Variants in CCDC197 observed in about 807,000 individuals in gnomAD.
The protein encoded by CCDC197 is uncharacterized protein CCDC197.
Under a neutral mutation model 13.4 loss-of-function variants are expected in CCDC197, and 24 were observed. The ratio of observed to expected loss-of-function variants is 1.80; its 90% CI spans 1.30 to 2.53. The LOEUF (loss-of-function observed/expected upper bound fraction) is 2.53. Ranked by LOEUF, CCDC197 falls within the 30% of genes most tolerant of loss-of-function variation. CCDC197 has a pLI of 0.00. For synonymous variants in CCDC197, 99 were observed against 55.5 expected (o/e 1.78, Z -3.48); for missense variants, 255 against 148.8 (o/e 1.71, Z -3.71).
chr14:94,010,132 G>A (rs1234643371), downstream of CCDC197, among the ~76,000 whole-genome samples: 3 of 152,166 alleles, frequency 2.0e-5, no homozygotes, highest in African/African-American at 2.4e-5. Flanking sequence ...AAAGATACAC[G>A]GAAGAAGGAA....
intron 1 of CCDC197, among the ~76,000 whole-genome samples, chr14:93,988,078 A>G (rs1595345592): frequency 2.5e-5 from 1 of 40,576 alleles, no homozygotes; most frequent in African/African-American, 1.0e-4. Flanking sequence ...AGGGGATGAA[A>G]GGAGGGGATG....
chr14:94,006,479 C>A (rs1890683340), intron 6 of CCDC197, among the ~76,000 whole-genome samples: 1 of 152,034 alleles, frequency 6.6e-6, no homozygotes, highest in South Asian at 2.1e-4. Context: ...CCTCAGCCTC[C>A]CAAGTAGCTG....
At chr14:94,006,004 C>T (rs1286550796) in intron 6 of CCDC197, among the ~76,000 whole-genome samples, 9 of 152,202 alleles carry the variant, frequency 5.9e-5, no homozygotes, top group Non-Finnish European at 1.3e-4. Context: ...TTTCACTTCT[C>T]TTTGGTACGT....
Position 94,008,834 on chromosome 14 carries a change from C to G in CCDC197, c.*22C>G. ...CTGACCAGCCTGCGCCTTGCAGGCC[C>G]CATGGCATCACGACCTCTCCTTACC... On this transcript the variant is annotated 3_prime_UTR_variant, in exon 7 of 7. Coordinates refer to ENST00000636493, the MANE Select transcript of CCDC197 (RefSeq NM_001351596.2). 1 of 688,468 alleles carries G rather than the reference C, an allele frequency of 1.5e-6. No homozygotes were observed. The highest frequency in any genetic ancestry group is 2.7e-6 in the Non-Finnish European group (1 of 374,254). 42.6% of individuals were successfully genotyped at this position (688,468 alleles called of 1,614,324 possible).
At chr14:94,008,986 T>G, downstream of CCDC197, 1 of 554,206 alleles carries the variant, frequency 1.8e-6, no homozygotes, top group Non-Finnish European at 3.2e-6. Context: ...CCTGGGGGAT[T>G]GGCAGGGATC....
downstream of CCDC197, among the ~76,000 whole-genome samples, chr14:94,011,472 C>T (rs1890806460): frequency 6.6e-6 from 1 of 152,212 alleles, no homozygotes; most frequent in Non-Finnish European, 1.5e-5. Flanking sequence ...AGGGCTGGGG[C>T]CGTGAATTGG....
chr14:93,988,822 G>A (rs1278218206), intron 1 of CCDC197, among the ~76,000 whole-genome samples: 3 of 137,376 alleles, frequency 2.2e-5, no homozygotes, highest in Non-Finnish European at 4.8e-5. Context: ...TGGGAGGAAG[G>A]GATGGGAGAG....
At chr14:94,009,035 G>A (rs1890765107), downstream of CCDC197, among the ~76,000 whole-genome samples, 1 of 152,212 alleles carries the variant, frequency 6.6e-6, no homozygotes, top group African/African-American at 2.4e-5. Context: ...AGAGAGGCAG[G>A]TTCCCGAGTT....
At chr14:93,991,259 C>G (rs1187725837) in intron 1 of CCDC197, among the ~76,000 whole-genome samples, 1 of 152,162 alleles carries the variant, frequency 6.6e-6, no homozygotes, top group Non-Finnish European at 1.5e-5. Context: ...AGGGGATGAG[C>G]TGCCCATCAC....
At chr14:93,996,474 C>G (rs954292006), upstream of CCDC197, among the ~76,000 whole-genome samples, 1 of 150,532 alleles carries the variant, frequency 6.6e-6, no homozygotes, top group African/African-American at 2.5e-5. Flanking sequence ...CCAGCCGTGC[C>G]CCAACTCCAG....
intron 6 of CCDC197, among the ~76,000 whole-genome samples, chr14:94,008,109 A>G (rs1486221668): frequency 1.4e-5 from 2 of 147,424 alleles, no homozygotes; most frequent in African/African-American, 5.2e-5. Context: ...AGAAAAGGGA[A>G]GAAATTATGT....
chr14:94,010,224 G>A (rs1047654739), downstream of CCDC197, among the ~76,000 whole-genome samples: 1 of 152,122 alleles, frequency 6.6e-6, no homozygotes, highest in Non-Finnish European at 1.5e-5. Context: ...TTGTTTTTGA[G>A]ACTGAGCCTT....
chr14:93,993,378 A>G (rs1890239637), upstream of CCDC197, among the ~76,000 whole-genome samples: 1 of 152,224 alleles, frequency 6.6e-6, no homozygotes, highest in Non-Finnish European at 1.5e-5. Flanking sequence ...CTATGCACAC[A>G]TGGGTTAACT....
At position 94,003,714 on chromosome 14, in the gene CCDC197, CACAG is replaced by C. The variant is rs1391408475; in HGVS notation, c.498+367_498+370del. 6.6e-6 allele frequency among the ~76,000 whole-genome samples: 1 copy of C among 152,100 alleles called. No homozygotes were observed. Among genetic ancestry groups the C allele is most frequent in the African/African-American group, 2.4e-5 (1 of 41,422 alleles). On this transcript the variant is annotated intron_variant, in intron 5 of 6. Transcript: ENST00000636493. This position sits in a 1 kb window ranked among gnomAD's most constrained non-coding sequence, Gnocchi z 5.0. The stretch of plus-strand genomic sequence containing the variant: ...AGACATACATAGAGACAGACACACA[CACAG>C]ACAGACCCACACCACTTTCTTCTCC...
chr14:94,004,849 C>T lies in CCDC197; in HGVS notation c.499-6C>T. ...AGCCACCACCTCCTCCTTCTCTTTC[C>T]TGCAGGATCAGCTGCTCGGCTACAT... On this transcript the variant is annotated splice_polypyrimidine_tract_variant and splice_region_variant and intron_variant, in intron 5 of 6. Transcript: ENST00000636493. 2 of 702,884 alleles carry T rather than the reference C, an allele frequency of 2.8e-6. No individual in the cohort carries two copies. The highest frequency in any genetic ancestry group is 3.0e-5 in the South Asian group (2 of 67,550). 43.5% of individuals were successfully genotyped at this position (702,884 alleles called of 1,614,324 possible).
chr14:93,987,466 C>A (rs563378753), intron 1 of CCDC197: 23 of 152,792 alleles, frequency 1.5e-4, no homozygotes, highest in African/African-American at 5.5e-4. Context: ...AGACGACTTG[C>A]GCAGCCTCCT....
In CCDC197 at chr14:94,003,234, C is replaced by A. The variant is rs1191285085; in HGVS notation, c.378C>A (p.Ile126=). The A allele has an allele frequency of 1.3e-6, 1 of 780,648 alleles. No individual in the cohort carries two copies. The highest frequency in any genetic ancestry group is 2.4e-6 in the Non-Finnish European group (1 of 418,026). The allele number at this position is 780,648 out of a possible 1,614,324, so 48.4% of individuals were successfully genotyped here. A position where few individuals can be genotyped will look rare whatever the true frequency, so the allele number is the denominator to read the frequency against. The change falls in exon 5 of 7, where the codon ATC becomes ATA. Residue 126 remains isoleucine, a synonymous_variant. Coordinates refer to ENST00000636493, the MANE Select transcript of CCDC197 (RefSeq NM_001351596.2). This position sits in a 1 kb window ranked among gnomAD's most constrained non-coding sequence, Gnocchi z 5.0. ...TCCCTCTGCCCCAGAGCCTCAAGAT[C>A]CGGCTGTGTCAGCTGCAGAAGAAGT... ...DHRALMLSLK[I]RLCQLQKKCY... is the part of the protein sequence containing the mutation.
intron 1 of CCDC197, among the ~76,000 whole-genome samples, chr14:93,988,415 T>G (rs1595345874): frequency 8.2e-5 from 4 of 48,880 alleles, no homozygotes; most frequent in Admixed American, 2.6e-4. Flanking sequence ...GAAGAGTAGA[T>G]GGGAGGAGCA....
intron 3 of CCDC197, among the ~76,000 whole-genome samples, chr14:94,000,566 G>A (rs1890463685): frequency 6.6e-6 from 1 of 152,070 alleles, no homozygotes; most frequent in Non-Finnish European, 1.5e-5. Context: ...ATAGGGCTGC[G>A]AGGTGGGTTT....
Sources: gnomAD v4.1 joint callset for allele counts (sites outside exome capture counted in the v4.1 genomes callset) on GRCh38, gnomAD v4.1.1 for gene constraint, Gnocchi (gnomAD v3.1) non-coding constraint, MANE v1.5 for transcripts, NCBI Gene and HGNC (gene_info 2026-07-23, HGNC 2026-07-21) for gene names.